Variants in RMND5A observed in about 807,000 individuals in gnomAD.
RMND5A encodes the protein E3 ubiquitin-protein transferase RMND5A.
RMND5A carries 17 observed loss-of-function variants against 49.7 expected under a neutral mutation model. The observed-to-expected ratio is 0.34, with a 90% CI of 0.23 to 0.51. The LOEUF (loss-of-function observed/expected upper bound fraction) is 0.51, where lower values mean the gene tolerates loss of function less well. Among genes scored for constraint, RMND5A ranks in the 20% least tolerant of loss-of-function variants. RMND5A has a pLI of 0.96. For missense variants in RMND5A, 255 were observed against 471.3 expected, an observed-to-expected ratio of 0.54 and a Z score of 4.25; for synonymous variants, 156 against 167.7, an observed-to-expected ratio of 0.93 and a Z score of 0.54.
Position 86,755,128 on chromosome 2 carries a change from T to C in RMND5A, c.521+1570T>C, listed in dbSNP as rs569726549. Among the ~76,000 whole-genome samples, 747 of 151,038 alleles carry C rather than the reference T, an allele frequency of 4.9e-3. 6 individuals carry two copies. The highest frequency in any genetic ancestry group is 0.011 in the African/African-American group (456 of 41,094). ...CAACAACTACTTTTTTTTTTTTTTT[T>C]CCCAAAGAGACAGAGTCTTGCTCTG... On this transcript the variant is annotated intron_variant, in intron 4 of 8. Coordinates refer to ENST00000283632, the MANE Select transcript of RMND5A (RefSeq NM_022780.4).
At chr2:86,766,612 C>G (rs992515334) in intron 6 of RMND5A, among the ~76,000 whole-genome samples, 1 of 135,674 alleles carries the variant, frequency 7.4e-6, no homozygotes, top group Admixed American at 8.5e-5. Flanking sequence ...TGCTGTGAGC[C>G]AAGATTGCAC....
At chr2:86,763,472 C>T (rs907301249) in intron 4 of RMND5A, among the ~76,000 whole-genome samples, 2 of 152,138 alleles carry the variant, frequency 1.3e-5, no homozygotes, top group African/African-American at 4.8e-5. Flanking sequence ...TCACGAAAGA[C>T]CACTGCCAGA....
chr2:86,763,549 G>A (rs1558725817), intron 4 of RMND5A, among the ~76,000 whole-genome samples: 1 of 152,178 alleles, frequency 6.6e-6, no homozygotes. Context: ...GGAAGCTGAG[G>A]CGGGAGGATC....
chr2:86,760,920 T>C (rs2104404338), intron 4 of RMND5A, among the ~76,000 whole-genome samples: 1 of 152,080 alleles, frequency 6.6e-6, no homozygotes, highest in African/African-American at 2.4e-5. Flanking sequence ...AAGATGCTTG[T>C]GGTTTAGATG....
intron 4 of RMND5A, among the ~76,000 whole-genome samples, chr2:86,762,010 T>C (rs1672496732): frequency 1.3e-5 from 2 of 152,210 alleles, no homozygotes; most frequent in Non-Finnish European, 2.9e-5. Context: ...AAGTAATTTA[T>C]AATTACTCTA....
intron 5 of RMND5A, 42 bp from the exon 6 acceptor site, chr2:86,765,817 A>G (rs773898926): frequency 6.3e-7 from 1 of 1,585,088 alleles, no homozygotes. Context: ...GCAGCTTATT[A>G]CTGCAAGCAA....
chr2:86,757,157 A>G (rs2104401177), intron 4 of RMND5A, among the ~76,000 whole-genome samples: 1 of 139,074 alleles, frequency 7.2e-6, no homozygotes, highest in African/African-American at 2.8e-5. Flanking sequence ...CTGGGCAACA[A>G]GAGTGAAACT....
At chr2:86,747,455 C>G (rs1681557258) in intron 2 of RMND5A, among the ~76,000 whole-genome samples, 1 of 152,176 alleles carries the variant, frequency 6.6e-6, no homozygotes, top group Non-Finnish European at 1.5e-5. Flanking sequence ...TGAGGAGAAC[C>G]AGAATCCAGG....
chr2:86,744,564 T>A (rs1681504236), intron 2 of RMND5A, among the ~76,000 whole-genome samples: 1 of 152,234 alleles, frequency 6.6e-6, no homozygotes, highest in African/African-American at 2.4e-5. Flanking sequence ...ATTTTAGTCA[T>A]GCTCAGTGGT....
chr2:86,721,541 C>G (rs1483473055), intron 1 of RMND5A, among the ~76,000 whole-genome samples: 3 of 151,780 alleles, frequency 2.0e-5, no homozygotes, highest in Admixed American at 2.0e-4. Flanking sequence ...TTGCTAGTTA[C>G]TTGCTTTGCC....
At chr2:86,766,345 G>C (rs905976668) in intron 6 of RMND5A, among the ~76,000 whole-genome samples, 9 of 152,230 alleles carry the variant, frequency 5.9e-5, no homozygotes, top group African/African-American at 2.2e-4. Context: ...TCCACGAATA[G>C]CTGGATTCCT....
chr2:86,768,231 A>G (rs1323137586), intron 6 of RMND5A, among the ~76,000 whole-genome samples: 1 of 152,244 alleles, frequency 6.6e-6, no homozygotes, highest in Non-Finnish European at 1.5e-5. Context: ...TGAAACCAAA[A>G]CATTTTAAGA....
chr2:86,760,812 A>AAGC (rs1672469473), intron 4 of RMND5A, among the ~76,000 whole-genome samples: 1 of 152,260 alleles, frequency 6.6e-6, no homozygotes, highest in African/African-American at 2.4e-5. Flanking sequence ...AGCCTACAGG[A>AAGC]AGCTAATGGT....
intron 4 of RMND5A, among the ~76,000 whole-genome samples, chr2:86,762,804 G>A (rs1325853289): frequency 6.6e-6 from 1 of 150,816 alleles, no homozygotes; most frequent in African/African-American, 2.4e-5. Context: ...ACTTTGGGAG[G>A]CCAAGGCGGG....
At chr2:86,746,663 C>G (rs559641717) in intron 2 of RMND5A, among the ~76,000 whole-genome samples, 1 of 152,336 alleles carries the variant, frequency 6.6e-6, no homozygotes, top group East Asian at 1.9e-4. Context: ...AGGGCACCCA[C>G]TCTACATATG....
chr2:86,742,663 G>T (rs1280617927), intron 2 of RMND5A, among the ~76,000 whole-genome samples: 10 of 152,002 alleles, frequency 6.6e-5, no homozygotes, highest in Non-Finnish European at 1.3e-4. Context: ...TACTGGTGGT[G>T]TCTAAGAAGA....
At position 86,765,137 on chromosome 2, in the gene RMND5A, G is replaced by T; in HGVS notation, c.632G>T (p.Arg211Leu). The T allele has an allele frequency of 6.2e-7, 1 of 1,614,080 alleles. No homozygotes were observed. Among genetic ancestry groups the T allele is most frequent in the South Asian group, 1.1e-5 (1 of 91,076 alleles). The change falls in exon 5 of 9, where the codon CGA becomes CTA. Residue 211 changes from arginine to leucine, a missense_variant. Arg to Leu is a moderately radical substitution (Grantham distance 102, BLOSUM62 -2). Transcript: ENST00000283632. The part of the protein sequence containing the change: ...SLLMGGTTNQ[R>L]EALQYAKNFQ... ...TTAATGGGTGGAACCACAAATCAGC[G>T]AGAGGCATTACAATATGCTAAAAAT...
rs571226464 is a variant in RMND5A, at chr2:86,773,998, T to G, written c.*587T>G. On this transcript the variant is annotated 3_prime_UTR_variant, in exon 9 of 9. Coordinates refer to ENST00000283632, the MANE Select transcript of RMND5A (RefSeq NM_022780.4). ...CTCCAAGAAGTCAGCACACCTGCAT[T>G]TTAGCTCTGCATGCAGCCCCAGCAG... The G allele has an allele frequency of 6.5e-6, 1 of 152,796 alleles. No homozygotes were observed. Among genetic ancestry groups the G allele is most frequent in the East Asian group, 1.9e-4 (1 of 5,186 alleles). The allele number at this position is 152,796 out of a possible 1,614,324, so 9.5% of individuals were successfully genotyped here. A position where few individuals can be genotyped will look rare whatever the true frequency, so the allele number is the denominator to read the frequency against.
chr2:86,761,404 T>C (rs1379362350), intron 4 of RMND5A, among the ~76,000 whole-genome samples: 1 of 152,168 alleles, frequency 6.6e-6, no homozygotes, highest in African/African-American at 2.4e-5. Context: ...GGCCAGGGAA[T>C]TGAGGTCAAG....
Sources: allele counts gnomAD v4.1 joint callset (sites outside exome capture counted in the v4.1 genomes callset), GRCh38; gene constraint gnomAD v4.1.1; transcripts MANE v1.5; gene names NCBI Gene and HGNC (gene_info 2026-07-23, HGNC 2026-07-21).